The following FOXN3 variants were observed in gnomAD, a reference collection of about 807,000 sequenced individuals.
The protein encoded by FOXN3 is forkhead box protein N3.
In FOXN3, 7 loss-of-function variants were observed where a neutral mutation model predicts 38.4. The ratio of observed to expected loss-of-function variants is 0.18; its 90% CI spans 0.10 to 0.34. FOXN3 has a LOEUF of 0.34. FOXN3 is among the 10% of genes least tolerant of loss of function. The pLI, the probability that FOXN3 is intolerant of heterozygous loss-of-function variation, is 1.00. For synonymous variants in FOXN3, 230 were observed against 242.2 expected (o/e 0.95, Z 0.47); for missense variants, 456 against 613.4 (o/e 0.74, Z 2.71).
intron 2 of FOXN3, among the ~76,000 whole-genome samples, chr14:89,376,202 C>T (rs1484860628): frequency 6.6e-6 from 1 of 151,918 alleles, no homozygotes; most frequent in East Asian, 1.9e-4. Context: ...TTTTTTTGTG[C>T]AAGAAAGTAC....
chr14:89,558,872 C>A (rs1407050379), intron 1 of FOXN3, among the ~76,000 whole-genome samples: 2 of 152,192 alleles, frequency 1.3e-5, no homozygotes, highest in African/African-American at 4.8e-5. Flanking sequence ...TATTAGCTGA[C>A]TGAGACGCTT....
chr14:89,454,282 C>T (rs542208955), intron 1 of FOXN3, among the ~76,000 whole-genome samples: 10 of 152,142 alleles, frequency 6.6e-5, no homozygotes, highest in Non-Finnish European at 1.2e-4. Context: ...CCAGCCTGGG[C>T]AACAGAGTGA....
In FOXN3 at chr14:89,553,465, G is replaced by C. The variant is rs1274553344; in HGVS notation, c.-15+65563C>G. 2.0e-5 allele frequency among the ~76,000 whole-genome samples: 3 copies of C among 151,214 alleles called. No homozygotes were observed. In the East Asian group the frequency reaches 5.8e-4, roughly 29 times the overall value. ...ACATGAAAGTGAAAAAAAAAAAAAG[G>C]GTAAAATAGATTTAGAAAGCAAAAC... is the stretch of plus-strand genomic sequence containing the variant. On this transcript the variant is annotated intron_variant, in intron 1 of 6. Coordinates refer to the FOXN3 transcript ENST00000345097.
intron 1 of FOXN3, among the ~76,000 whole-genome samples, chr14:89,583,829 G>A (rs1895792637): frequency 6.6e-6 from 1 of 151,148 alleles, no homozygotes; most frequent in Non-Finnish European, 1.5e-5. Context: ...CAAAGTGCTG[G>A]GATTATAGGT....
intron 2 of FOXN3, among the ~76,000 whole-genome samples, chr14:89,370,401 C>T (rs1750881783): frequency 6.6e-6 from 1 of 152,220 alleles, no homozygotes; most frequent in African/African-American, 2.4e-5. Context: ...GGGTTGCCCC[C>T]ATGACAAAAT....
chr14:89,579,131 T>G (rs544270428), intron 1 of FOXN3, among the ~76,000 whole-genome samples: 45 of 148,372 alleles, frequency 3.0e-4, no homozygotes, highest in Admixed American at 8.8e-4. Flanking sequence ...ATTACAGGCA[T>G]GAGCCACCAT....
intron 1 of FOXN3, among the ~76,000 whole-genome samples, chr14:89,531,967 C>G (rs1566689040): frequency 1.3e-5 from 2 of 152,338 alleles, no homozygotes; most frequent in East Asian, 3.9e-4. Context: ...AGCCACCACA[C>G]CTGGCCTTAA....
chr14:89,610,933 T>G (rs243186), intron 1 of FOXN3, among the ~76,000 whole-genome samples: 1 of 152,052 alleles, frequency 6.6e-6, no homozygotes, highest in African/African-American at 2.4e-5. Context: ...AAATATTAAT[T>G]AGTTCCATCA....
At chr14:89,310,459 T>C (rs1349555265) in intron 3 of FOXN3, among the ~76,000 whole-genome samples, 1 of 152,244 alleles carries the variant, frequency 6.6e-6, no homozygotes. Flanking sequence ...TGGATAAAGC[T>C]GCCCGATTTT....
At chr14:89,303,506 A>C (rs1003834011) in intron 3 of FOXN3, among the ~76,000 whole-genome samples, 6 of 118,630 alleles carry the variant, frequency 5.1e-5, no homozygotes, top group Non-Finnish European at 1.0e-4. Context: ...TAAAAAAAAA[A>C]AACAAAAAAA....
chr14:89,214,503 C>T lies in FOXN3; in HGVS notation c.746-33697G>A, dbSNP rs183871438. Reference sequence around the variant, plus strand: ...ATGCCACTCACTCCGAATCAGGAACCTGCCTATTTTGTTTACTTTGGGGCA... The same window carrying T: ...ATGCCACTCACTCCGAATCAGGAACTTGCCTATTTTGTTTACTTTGGGGCA... On this transcript the variant is annotated intron_variant, in intron 4 of 5. Transcript: ENST00000557258. Among the ~76,000 whole-genome samples the T allele has an allele frequency of 1.4e-4, 21 of 152,352 alleles. 1 individual carries two copies. The highest frequency in any genetic ancestry group is 4.6e-4 in the African/African-American group (19 of 41,584).
intron 1 of FOXN3, among the ~76,000 whole-genome samples, chr14:89,600,521 T>C (rs1250000987): frequency 6.6e-6 from 1 of 152,212 alleles, no homozygotes; most frequent in Non-Finnish European, 1.5e-5. Flanking sequence ...AAAATATAAA[T>C]TTTCTCCAAA....
chr14:89,415,847 T>TACATACACACACACACACACACAC (rs1284424954), intron 1 of FOXN3, among the ~76,000 whole-genome samples: 1 of 140,416 alleles, frequency 7.1e-6, no homozygotes, highest in African/African-American at 2.8e-5. Flanking sequence ...AACTTTTCTC[T>TACATACACACACACACACACACAC]ACACACACAC....
At chr14:89,589,739 CG>C (rs374073686) in intron 1 of FOXN3, among the ~76,000 whole-genome samples, 1 of 14,220 alleles carries the variant, frequency 7.0e-5, no homozygotes, top group Non-Finnish European at 1.9e-4. Context: ...GGCGGGGGGG[CG>C]GGGGGTGCCT....
intron 4 of FOXN3, among the ~76,000 whole-genome samples, chr14:89,241,451 G>A (rs929331182): frequency 5.3e-5 from 8 of 152,108 alleles, no homozygotes; most frequent in East Asian, 3.9e-4. Context: ...ACAGACACAC[G>A]TGGGTTCTGC....
At chr14:89,439,157 C>G (rs982412075) in intron 1 of FOXN3, among the ~76,000 whole-genome samples, 1 of 152,122 alleles carries the variant, frequency 6.6e-6, no homozygotes, top group East Asian at 1.9e-4. Flanking sequence ...CTTCTATATG[C>G]TGGGCTCATA....
At chr14:89,473,470 C>T (rs1335383115) in intron 1 of FOXN3, among the ~76,000 whole-genome samples, 2 of 150,932 alleles carry the variant, frequency 1.3e-5, no homozygotes, top group African/African-American at 4.9e-5. Context: ...CTCAACCAAA[C>T]TTCTGTGTGG....
intron 4 of FOXN3, among the ~76,000 whole-genome samples, chr14:89,183,052 G>A (rs1213919196): frequency 6.6e-6 from 1 of 152,238 alleles, no homozygotes; most frequent in African/African-American, 2.4e-5. Context: ...CTCAAGGACA[G>A]ACATATGTAG....
intron 4 of FOXN3, among the ~76,000 whole-genome samples, chr14:89,214,956 T>C (rs891026735): frequency 6.6e-6 from 1 of 152,156 alleles, no homozygotes; most frequent in Non-Finnish European, 1.5e-5. Flanking sequence ...ATAAGCAGAA[T>C]TAAAAGAATT....
Sources: allele counts gnomAD v4.1 joint callset (sites outside exome capture counted in the v4.1 genomes callset), GRCh38; gene constraint gnomAD v4.1.1; transcripts MANE v1.5; gene names NCBI Gene and HGNC (gene_info 2026-07-23, HGNC 2026-07-21).